The following ESR2 variants were observed in gnomAD, a reference collection of about 807,000 sequenced individuals.
ESR2 encodes estrogen receptor beta.
A neutral mutation model predicts 49.6 loss-of-function variants in ESR2; 36 were observed. The observed-to-expected ratio is 0.73, with a 90% CI of 0.56 to 0.96. ESR2 has a LOEUF of 0.96. Ranked by LOEUF, ESR2 falls within the 40% of genes least tolerant of loss-of-function variation. The pLI is 0.00. For synonymous variants in ESR2, 320 were observed against 266.1 expected (o/e 1.20, Z -1.97); for missense variants, 714 against 693.0 (o/e 1.03, Z -0.34).
intron 6 of ESR2, among the ~76,000 whole-genome samples, chr14:64,254,743 G>A (rs568589127): frequency 2.0e-4 from 31 of 151,498 alleles, no homozygotes; most frequent in Non-Finnish European, 1.3e-4. Context: ...GGGTGACAGA[G>A]CGAGACTCCA....
chr14:64,287,883 T>C (rs2140836754), intron 1 of ESR2, among the ~76,000 whole-genome samples: 1 of 152,340 alleles, frequency 6.6e-6, no homozygotes, highest in Non-Finnish European at 1.5e-5. Context: ...ATGGCCTCAG[T>C]ACAATGTTCT....
At chr14:64,337,055 C>T (rs575257080) in intron 1 of ESR2, among the ~76,000 whole-genome samples, 2 of 152,344 alleles carry the variant, frequency 1.3e-5, no homozygotes, top group East Asian at 3.9e-4. Flanking sequence ...ACTACGGTAT[C>T]TGATTCAATA....
chr14:64,283,916 G>C (rs1290378691), intron 1 of ESR2, among the ~76,000 whole-genome samples: 1 of 151,728 alleles, frequency 6.6e-6, no homozygotes, highest in East Asian at 1.9e-4. Context: ...TCTCAGTTTT[G>C]TTTTGTTTTG....
rs748286878 is a variant in ESR2 at position 64,260,589 on chromosome 14, G to A, written c.812C>T (p.Thr271Ile). Residue 271 changes from threonine to isoleucine, a missense_variant, in exon 5 of 9, where the codon ACC (threonine) becomes ATC (isoleucine). By Grantham distance (89) the Thr-to-Ile change is moderately conservative (BLOSUM62 -1). Coordinates refer to ENST00000341099, the MANE Select transcript of ESR2 (RefSeq NM_001437.3). ...ATGGGGCGGCTCAGCCTCCAGGAGGGTGAGCACTAGCTGCTCGGGGCTCAG... is the reference window on the plus strand; with the variant it reads ...ATGGGGCGGCTCAGCCTCCAGGAGGATGAGCACTAGCTGCTCGGGGCTCAG... ...DALSPEQLVL[T>I]LLEAEPPHVL... 7.5e-6 allele frequency: 12 copies of A among 1,609,670 alleles called. No homozygotes were observed. Among genetic ancestry groups the A allele is most frequent in the Admixed American group, 3.4e-5 (2 of 59,306 alleles).
intron 2 of ESR2, among the ~76,000 whole-genome samples, chr14:64,281,274 T>G (rs902347580): frequency 6.6e-6 from 1 of 152,256 alleles, no homozygotes; most frequent in East Asian, 1.9e-4. Flanking sequence ...AAAACACATC[T>G]GGCTAGTTCC....
rs1039186452 is a variant in ESR2, at chr14:64,231,000, C to T, written c.*2137G>A. On this transcript the variant is annotated 3_prime_UTR_variant, in exon 9 of 9. Coordinates refer to ENST00000341099, the MANE Select transcript of ESR2 (RefSeq NM_001437.3). ...TCCCCAGGCTCAGGTGATCCTCCCA[C>T]CTCAGCCTCCCAGGTAGCTGGAACT... is the stretch of plus-strand genomic sequence containing the variant. 2.7e-5 allele frequency: 4 copies of T among 150,408 alleles called. No individual in the cohort carries two copies. The highest frequency in any genetic ancestry group is 5.9e-5 in the Non-Finnish European group (4 of 67,854). The allele number at this position is 150,408 out of a possible 1,614,324, so 9.3% of individuals were successfully genotyped here. A position where few individuals can be genotyped will look rare whatever the true frequency, so the allele number is the denominator to read the frequency against.
intron 5 of ESR2, among the ~76,000 whole-genome samples, chr14:64,258,173 C>T (rs1047945213): frequency 2.6e-5 from 4 of 151,988 alleles, no homozygotes; most frequent in African/African-American, 9.7e-5. Flanking sequence ...CACGCCACTG[C>T]ACTCCAGCCT....
chr14:64,231,841 G>T lies in ESR2; in HGVS notation c.*1296C>A, dbSNP rs187354334. 2 of 152,202 alleles carry T rather than the reference G, an allele frequency of 1.3e-5. No homozygotes were observed. Among genetic ancestry groups the T allele is most frequent in the Non-Finnish European group, 2.9e-5 (2 of 68,016 alleles). 9.4% of individuals were successfully genotyped at this position (152,202 alleles called of 1,614,324 possible). ...ACTGGAAATTTCACATCTTTTAAAA[G>T]GTGAGTTAAAGTTGTCATTTCAGAG... is the stretch of plus-strand genomic sequence containing the variant. On this transcript the variant is annotated 3_prime_UTR_variant, in exon 9 of 9. Transcript: ENST00000341099.
intron 5 of ESR2, among the ~76,000 whole-genome samples, chr14:64,258,254 G>A (rs1398903260): frequency 2.6e-5 from 4 of 152,028 alleles, no homozygotes; most frequent in Admixed American, 6.6e-5. Context: ...ATATAATAAC[G>A]AAGCAGGTCC....
At chr14:64,274,206 C>T (rs1464193371) in intron 3 of ESR2, among the ~76,000 whole-genome samples, 1 of 151,936 alleles carries the variant, frequency 6.6e-6, no homozygotes. Context: ...CCTTGGCTTC[C>T]CAAAGTGCTG....
rs968105785 is a variant in ESR2, at chr14:64,229,667, T to C, written c.*3470A>G. On this transcript the variant is annotated 3_prime_UTR_variant, in exon 9 of 9. Transcript: ENST00000341099. The stretch of plus-strand genomic sequence containing the variant: ...CTGTCAGCACTGGACTTGGACTGCC[T>C]GTGTTCAGCTCAATCACCTACTCCC... Among the ~76,000 whole-genome samples, 1 of 152,244 alleles carries C rather than the reference T, an allele frequency of 6.6e-6. No homozygotes were observed. Among genetic ancestry groups the C allele is most frequent in the African/African-American group, 2.4e-5 (1 of 41,466 alleles).
chr14:64,259,488 G>A (rs950343216), intron 5 of ESR2, among the ~76,000 whole-genome samples: 1 of 152,182 alleles, frequency 6.6e-6, no homozygotes, highest in Non-Finnish European at 1.5e-5. Context: ...CAGGGGGATC[G>A]TGGGGTGTTG....
chr14:64,252,365 T>C (rs537939084), intron 6 of ESR2, among the ~76,000 whole-genome samples: 1 of 152,006 alleles, frequency 6.6e-6, no homozygotes, highest in East Asian at 1.9e-4. Flanking sequence ...GTTAAAATAT[T>C]GAAACAATGT....
chr14:64,304,751 C>T (rs1280961683), intron 1 of ESR2, among the ~76,000 whole-genome samples: 4 of 151,924 alleles, frequency 2.6e-5, no homozygotes, highest in East Asian at 3.9e-4. Flanking sequence ...TGACTCATGC[C>T]TCTAGTCCTA....
intron 4 of ESR2, among the ~76,000 whole-genome samples, chr14:64,262,808 A>C (rs938931168): frequency 6.6e-6 from 1 of 152,074 alleles, no homozygotes; most frequent in African/African-American, 2.4e-5. Context: ...CTGTTTAGGA[A>C]GGTGAGGCAG....
rs558090342 is a variant in ESR2 at position 64,229,904 on chromosome 14, C to T, written c.*3233G>A. 4.0e-4 allele frequency among the ~76,000 whole-genome samples: 61 copies of T among 151,944 alleles called. No individual in the cohort carries two copies. Among genetic ancestry groups the T allele is most frequent in the Non-Finnish European group, 7.2e-4 (49 of 67,990 alleles). On this transcript the variant is annotated 3_prime_UTR_variant, in exon 9 of 9. Transcript: ENST00000341099. ...TAAAAAAAAATGTGGCGGGGCTGGG[C>T]ACAGTGGCTCATGCCTGTAATCTCA...
upstream of ESR2, among the ~76,000 whole-genome samples, chr14:64,295,039 C>T (rs2076938036): frequency 1.3e-5 from 2 of 152,358 alleles, no homozygotes; most frequent in South Asian, 4.1e-4. Context: ...CCCCTGGTGG[C>T]AGCCCCAGTT....
chr14:64,242,060 A>G (rs1484246889), intron 7 of ESR2, among the ~76,000 whole-genome samples: 1 of 152,174 alleles, frequency 6.6e-6, no homozygotes, highest in Non-Finnish European at 1.5e-5. Context: ...CCTTGTTTGT[A>G]CAGTGTTTTT....
At chr14:64,292,719 C>A (rs760734835) in intron 1 of ESR2, among the ~76,000 whole-genome samples, 1 of 152,134 alleles carries the variant, frequency 6.6e-6, no homozygotes, top group Non-Finnish European at 1.5e-5. Context: ...GTTCAACATA[C>A]ACTTATAGAA....
Sources: allele counts gnomAD v4.1 joint callset (sites outside exome capture counted in the v4.1 genomes callset), GRCh38; gene constraint gnomAD v4.1.1; transcripts MANE v1.5; gene names NCBI Gene and HGNC (gene_info 2026-07-23, HGNC 2026-07-21).